The following ZBTB7C variants were observed in gnomAD, a reference collection of about 807,000 sequenced individuals.
ZBTB7C encodes zinc finger and BTB domain-containing protein 7C.
ZBTB7C carries 8 observed loss-of-function variants against 25.7 expected under a neutral mutation model. The ratio of observed to expected loss-of-function variants is 0.31; its 90% confidence interval spans 0.18 to 0.56. The LOEUF (loss-of-function observed/expected upper bound fraction) is 0.56. Among genes scored for constraint, ZBTB7C ranks in the 20% least tolerant of loss-of-function variants. The pLI, the probability that ZBTB7C is intolerant of heterozygous loss-of-function variation, is 0.91. For synonymous variants in ZBTB7C, 394 were observed against 369.0 expected (o/e 1.07, Z -0.78); for missense variants, 824 against 855.2 (o/e 0.96, Z 0.46).
chr18:48,039,849 C>T (rs763992062), intron 4 of ZBTB7C, 51 bp downstream of exon 4: 8 of 1,581,906 alleles, frequency 5.1e-6, no homozygotes, highest in African/African-American at 1.3e-5. Flanking sequence ...ACTCTGCTGT[C>T]CCCCATGGCC....
chr18:48,318,559 C>T (rs2046009463), intron 2 of ZBTB7C, among the ~76,000 whole-genome samples: 1 of 152,248 alleles, frequency 6.6e-6, no homozygotes. Context: ...CACGTCCTCC[C>T]TCTGGTCCAG....
intron 2 of ZBTB7C, among the ~76,000 whole-genome samples, chr18:48,301,541 G>A (rs894142592): frequency 2.6e-5 from 4 of 152,208 alleles, no homozygotes; most frequent in Admixed American, 1.3e-4. Context: ...TGGGGGAGTG[G>A]GTATGGACTG....
chr18:48,300,273 C>T (rs2045509823), intron 2 of ZBTB7C, among the ~76,000 whole-genome samples: 1 of 152,172 alleles, frequency 6.6e-6, no homozygotes, highest in South Asian at 2.1e-4. Flanking sequence ...GAGGTAGGAA[C>T]ACTTGGCTAG....
At chr18:48,281,182 C>T (rs1016543162) in intron 2 of ZBTB7C, among the ~76,000 whole-genome samples, 2 of 151,884 alleles carry the variant, frequency 1.3e-5, no homozygotes, top group African/African-American at 2.4e-5. Flanking sequence ...AAATCTTTGA[C>T]AAACCTGAGA....
At position 48,340,331 on chromosome 18, in the gene ZBTB7C, C is replaced by A. The variant is rs567014597; in HGVS notation, c.-303-1933G>T. ...AGTTTGGCAGGAAAATAACTTCAAA[C>A]CTTAATGGCAGCCATGTAGCTCAGT... On this transcript the variant is annotated intron_variant, in intron 1 of 4. Transcript: ENST00000590800. 7.9e-5 allele frequency among the ~76,000 whole-genome samples: 12 copies of A among 152,330 alleles called. No individual in the cohort carries two copies. In the South Asian group the frequency reaches 2.5e-3, roughly 32 times the overall value.
intron 2 of ZBTB7C, among the ~76,000 whole-genome samples, chr18:48,186,556 G>A (rs1453117864): frequency 6.6e-6 from 1 of 152,238 alleles, no homozygotes; most frequent in African/African-American, 2.4e-5. Flanking sequence ...GTAAGGCCAG[G>A]CAGGAACGTT....
intron 2 of ZBTB7C, among the ~76,000 whole-genome samples, chr18:48,199,965 T>C (rs1204703220): frequency 6.6e-6 from 1 of 150,594 alleles, no homozygotes; most frequent in Non-Finnish European, 1.5e-5. Flanking sequence ...ACTTCTCTAC[T>C]TCGGGTGAGA....
chr18:48,035,450 C>G (rs751945981), intron 4 of ZBTB7C, among the ~76,000 whole-genome samples: 19 of 152,242 alleles, frequency 1.2e-4, no homozygotes, highest in Non-Finnish European at 1.8e-4. Flanking sequence ...CAGCCATGCT[C>G]TCTAGGAGCT....
At chr18:48,407,067 T>C (rs2048299335) in intron 1 of ZBTB7C, among the ~76,000 whole-genome samples, 2 of 152,250 alleles carry the variant, frequency 1.3e-5, no homozygotes, top group African/African-American at 4.8e-5. Flanking sequence ...CTCATTGATG[T>C]TTAATGGCTG....
intron 3 of ZBTB7C, among the ~76,000 whole-genome samples, chr18:48,051,736 G>T (rs946850463): frequency 1.5e-4 from 23 of 152,284 alleles, no homozygotes; most frequent in African/African-American, 5.5e-4. Flanking sequence ...CAAAGTGAGG[G>T]CTCGTTTCAG....
At chr18:48,210,945 T>G (rs2042689213) in intron 2 of ZBTB7C, among the ~76,000 whole-genome samples, 1 of 152,132 alleles carries the variant, frequency 6.6e-6, no homozygotes, top group Admixed American at 6.5e-5. Context: ...CAAGAACTAC[T>G]TATAAAATTA....
At position 48,027,770 on chromosome 18, in the gene ZBTB7C, C is replaced by T. The variant is rs1259294444; in HGVS notation, c.*1490G>A. 1 of 152,244 alleles carries T rather than the reference C, an allele frequency of 6.6e-6. No individual in the cohort carries two copies. Among genetic ancestry groups the T allele is most frequent in the Non-Finnish European group, 1.5e-5 (1 of 68,078 alleles). 9.4% of individuals were successfully genotyped at this position (152,244 alleles called of 1,614,324 possible). A position where few individuals can be genotyped will look rare whatever the true frequency, so the allele number is the denominator to read the frequency against. On this transcript the variant is annotated 3_prime_UTR_variant, in exon 5 of 5. Coordinates refer to ENST00000590800, the MANE Select transcript of ZBTB7C (RefSeq NM_001318841.2). ...CCTGGGCTCTCCCTGGGGACGAACC[C>T]TCCTCCTCTCTGGGCTGCTCAGAAA...
At chr18:48,376,083 C>T (rs1225000074) in intron 1 of ZBTB7C, among the ~76,000 whole-genome samples, 2 of 152,228 alleles carry the variant, frequency 1.3e-5, no homozygotes, top group African/African-American at 4.8e-5. Context: ...TTGCTTTCCT[C>T]ACCAGCTCCC....
chr18:48,325,224 A>G (rs2046191357), intron 2 of ZBTB7C, among the ~76,000 whole-genome samples: 1 of 152,216 alleles, frequency 6.6e-6, no homozygotes, highest in African/African-American at 2.4e-5. Context: ...GAAAACAAAG[A>G]AGGCACACAT....
chr18:48,129,196 A>T (rs956205876), intron 3 of ZBTB7C, among the ~76,000 whole-genome samples: 1 of 152,124 alleles, frequency 6.6e-6, no homozygotes, highest in Non-Finnish European at 1.5e-5. Flanking sequence ...CGCCCGTTTC[A>T]CTGCCCTCCA....
intron 2 of ZBTB7C, among the ~76,000 whole-genome samples, chr18:48,288,640 G>A (rs1478638150): frequency 6.6e-6 from 1 of 152,152 alleles, no homozygotes. Flanking sequence ...TAGGCAACAA[G>A]AGTGAAACTC....
intron 3 of ZBTB7C, among the ~76,000 whole-genome samples, chr18:48,043,742 G>C (rs573179281): frequency 3.5e-4 from 53 of 152,282 alleles, no homozygotes; most frequent in Admixed American, 2.7e-3. Flanking sequence ...ATGCGTAAAG[G>C]GTACATGAGA....
intron 2 of ZBTB7C, among the ~76,000 whole-genome samples, chr18:48,229,831 G>A (rs1430175997): frequency 6.6e-6 from 1 of 152,158 alleles, no homozygotes; most frequent in Admixed American, 6.5e-5. Context: ...AGCGGGGCAG[G>A]TGTGGGGCAC....
chr18:48,030,424 C>G (rs2035693541), intron 4 of ZBTB7C, among the ~76,000 whole-genome samples: 1 of 152,214 alleles, frequency 6.6e-6, no homozygotes, highest in African/African-American at 2.4e-5. Context: ...GTGTTTGGCA[C>G]TAATCTGGGA....
Sources: gnomAD v4.1 joint callset for allele counts (sites outside exome capture counted in the v4.1 genomes callset) on GRCh38, gnomAD v4.1.1 for gene constraint, MANE v1.5 for transcripts, NCBI Gene and HGNC (gene_info 2026-07-23, HGNC 2026-07-21) for gene names.